ENDOV: variants seen among roughly 807,000 people sequenced by gnomAD.
ENDOV encodes the protein hEndoV.
ENDOV carries 37 observed loss-of-function variants against 39.4 expected under a neutral mutation model. The ratio of observed to expected loss-of-function variants is 0.94; its 90% CI spans 0.72 to 1.23. The LOEUF is 1.23. ENDOV is among the 50% of genes most tolerant of loss of function. ENDOV has a pLI of 0.00. For missense variants in ENDOV, 441 were observed against 375.7 expected (o/e 1.17, Z -1.44); for synonymous variants, 186 against 163.4 (o/e 1.14, Z -1.05).
Position 80,436,320 on chromosome 17 carries a change from G to C in ENDOV, c.*177G>C. The C allele has an allele frequency of 1.9e-6, 3 of 1,571,084 alleles. No individual in the cohort carries two copies. Among genetic ancestry groups the C allele is most frequent in the Non-Finnish European group, 2.6e-6 (3 of 1,163,406 alleles). ...CCTCGTCTCGTTCCTGATCGAACGT[G>C]GTGGTGAGAGCACACGTCCTTGTCT... On this transcript the variant is annotated 3_prime_UTR_variant, in exon 10 of 10. Transcript: ENST00000518137.
chr17:80,420,514 A>G (rs1433001913), intron 2 of ENDOV: 1 of 152,224 alleles, frequency 6.6e-6, no homozygotes, highest in Non-Finnish European at 1.5e-5. Context: ...CTCTGTGCTA[A>G]TACAGAGCAC....
rs1387943439 is a variant in ENDOV at position 80,435,548 on chromosome 17, G to A, written c.839-585G>A. Among the ~76,000 whole-genome samples the A allele has an allele frequency of 2.0e-5, 3 of 152,106 alleles. No individual in the cohort carries two copies. The East Asian group carries it at 5.8e-4, about 29-fold the overall frequency. On this transcript the variant is annotated intron_variant, in intron 9 of 9. Coordinates refer to ENST00000518137, the MANE Select transcript of ENDOV (RefSeq NM_173627.5). ...TGGCTCACTGCAGCCTCGACCTCTT[G>A]GGCTCAAGCAATCCTCCTGGCTCAG...
At chr17:80,419,650 G>T (rs185615721) in intron 2 of ENDOV, 1 of 702,890 alleles carries the variant, frequency 1.4e-6, no homozygotes, top group Non-Finnish European at 2.6e-6. Context: ...CCCTTCTGCT[G>T]CTGGAAACAG....
At chr17:80,433,319 G>A (rs1412413536) in intron 9 of ENDOV, among the ~76,000 whole-genome samples, 1 of 152,238 alleles carries the variant, frequency 6.6e-6, no homozygotes, top group African/African-American at 2.4e-5. Context: ...TTGGCACATG[G>A]TGAGTCCTTG....
chr17:80,425,815 G>T (rs1440139304), intron 7 of ENDOV, among the ~76,000 whole-genome samples, 195 bp downstream of exon 7: 1 of 152,138 alleles, frequency 6.6e-6, no homozygotes, highest in African/African-American at 2.4e-5. Context: ...TAGACTGGGG[G>T]GTGCAGGGCT....
chr17:80,431,436 C>T (rs1271924199), intron 9 of ENDOV, among the ~76,000 whole-genome samples: 1 of 152,142 alleles, frequency 6.6e-6, no homozygotes, highest in African/African-American at 2.4e-5. Context: ...AGACTCACTC[C>T]AGGACAAGTG....
intron 5 of ENDOV, chr17:80,424,025 C>G (rs1309169671): frequency 2.8e-6 from 1 of 355,768 alleles, no homozygotes; most frequent in Non-Finnish European, 5.0e-6. Flanking sequence ...TCAGGTACCA[C>G]AGCCTCCAGG....
At chr17:80,429,902 G>A (rs778205788) in intron 9 of ENDOV, 71 bp downstream of exon 9, 9 of 1,611,080 alleles carry the variant, frequency 5.6e-6, no homozygotes, top group Admixed American at 3.4e-5. Flanking sequence ...CCCAGGAGCA[G>A]GCGGGCAAGG....
chr17:80,415,731 G>A lies in ENDOV; in HGVS notation c.138G>A (p.Gln46=). The change falls in exon 2 of 10, where the codon CAG becomes CAA. Residue 46 remains glutamine (Q), a synonymous_variant. Transcript: ENST00000518137. ...WQRDPAFSGL[Q]RVGGVDVSFV... ...GAGACCCCGCCTTCTCGGGTCTGCA[G>A]AGGGTCGGGGGCGTTGACGTGTCCT... 1 of 1,608,804 alleles carries A rather than the reference G, an allele frequency of 6.2e-7. No homozygotes were observed. Among genetic ancestry groups the A allele is most frequent in the Non-Finnish European group, 8.5e-7 (1 of 1,177,742 alleles).
chr17:80,436,007 G>A (rs748374603), intron 9 of ENDOV, 126 bp from the exon 10 acceptor site: 75 of 1,034,680 alleles, frequency 7.2e-5, no homozygotes, highest in Non-Finnish European at 8.1e-5. Context: ...CTCCCACCTC[G>A]GCCTCCCCAA....
rs41301916 is a variant in ENDOV at position 80,432,576 on chromosome 17, C to T, written c.838+2745C>T. Among the ~76,000 whole-genome samples, 10 of 152,236 alleles carry T rather than the reference C, an allele frequency of 6.6e-5. No homozygotes were observed. In the East Asian group the frequency reaches 1.5e-3, roughly 24 times the overall value. ...GGACAGGGAGGCAGAGGTCCCGTGT[C>T]ATTGCCCGTGAGTCCGGGGCTTAGG... On this transcript the variant is annotated intron_variant, in intron 9 of 9. Transcript: ENST00000518137.
chr17:80,425,736 G>T, intron 7 of ENDOV, 116 bp downstream of exon 7: 1 of 1,469,496 alleles, frequency 6.8e-7, no homozygotes, highest in Admixed American at 2.3e-5. Flanking sequence ...TGAGGACGGG[G>T]GTTCCTGGGC....
chr17:80,421,137 G>A (rs1204958661), intron 2 of ENDOV, among the ~76,000 whole-genome samples: 11 of 151,730 alleles, frequency 7.2e-5, no homozygotes, highest in Non-Finnish European at 1.6e-4. Context: ...GTCCTGGGGG[G>A]CTCCCGCGGA....
rs754880638 is a variant in ENDOV at position 80,428,640 on chromosome 17, C to G, written c.759C>G (p.Leu253=). Residue 253 remains leucine (L), a synonymous_variant, in exon 8 of 10, where the codon CTC becomes CTG. Coordinates refer to ENST00000518137, the MANE Select transcript of ENDOV (RefSeq NM_173627.5). ...SREHIRKSLG[L]PGPPTPRSPK... is the part of the protein sequence containing the mutation. ...AGCACATCCGCAAGTCGCTGGGACTCCCCGGGCCACCCACACCGAGGTGAG... is the reference window on the plus strand; with the variant it reads ...AGCACATCCGCAAGTCGCTGGGACTGCCCGGGCCACCCACACCGAGGTGAG... The G allele has an allele frequency of 6.3e-7, 1 of 1,582,894 alleles. No homozygotes were observed. Among genetic ancestry groups the G allele is most frequent in the Admixed American group, 1.8e-5 (1 of 56,018 alleles).
chr17:80,425,132 G>T (rs1225096157), intron 6 of ENDOV, 32 bp downstream of exon 6: 3 of 1,577,856 alleles, frequency 1.9e-6, no homozygotes, highest in East Asian at 2.3e-5. Flanking sequence ...CTCCTCCAAA[G>T]CCCCGGGGTA....
At chr17:80,419,239 T>G (rs1303622978) in intron 2 of ENDOV, among the ~76,000 whole-genome samples, 1 of 150,634 alleles carries the variant, frequency 6.6e-6, no homozygotes, top group Admixed American at 6.6e-5. Context: ...TCTCCCAGAG[T>G]ATAGCATAAG....
intron 9 of ENDOV, among the ~76,000 whole-genome samples, chr17:80,434,997 T>C (rs182387860): frequency 6.6e-6 from 1 of 152,318 alleles, no homozygotes; most frequent in Admixed American, 6.5e-5. Context: ...TGATGGCTAA[T>C]GGTGGTGAGC....
chr17:80,419,066 G>A lies in ENDOV; in HGVS notation c.229-2762G>A, dbSNP rs533691677. 3.3e-3 allele frequency among the ~76,000 whole-genome samples: 504 copies of A among 151,840 alleles called. 4 individuals are homozygous for A. Among genetic ancestry groups the A allele is most frequent in the Admixed American group, 6.6e-3 (101 of 15,268 alleles). ...CGGGCACCTGTAGTCCCAGCTACTC[G>A]GGAGGCTGAGGCAGGAGAATGGCGT... is the stretch of plus-strand genomic sequence containing the variant. On this transcript the variant is annotated intron_variant, in intron 2 of 9. Transcript: ENST00000518137.
rs549301436 is a variant in ENDOV, at chr17:80,422,293, G to A, written c.403+48G>A. ...AGGGAGGGCACTGTGGGGAAGAGCG[G>A]GGGGAGAGGGCACCTCTGTCGTCCC... is the stretch of plus-strand genomic sequence containing the variant. On this transcript the variant is annotated intron_variant, in intron 4 of 9. Transcript: ENST00000518137. The A allele has an allele frequency of 7.9e-5, 126 of 1,604,268 alleles. 1 individual carries two copies. The highest frequency in any genetic ancestry group is 9.4e-5 in the African/African-American group (7 of 74,864).
Sources: gnomAD v4.1 joint callset for allele counts (sites outside exome capture counted in the v4.1 genomes callset) on GRCh38, gnomAD v4.1.1 for gene constraint, MANE v1.5 for transcripts, NCBI Gene and HGNC (gene_info 2026-07-23, HGNC 2026-07-21) for gene names.